The following UBE2E2 variants were observed in gnomAD, a reference collection of about 807,000 sequenced individuals.
The protein encoded by UBE2E2 is ubiquitin-conjugating enzyme E2 E2.
Under a neutral mutation model 24.7 loss-of-function variants are expected in UBE2E2, and 6 were observed. The ratio of observed to expected loss-of-function variants is 0.24; its 90% CI spans 0.13 to 0.48. The LOEUF (loss-of-function observed/expected upper bound fraction) is 0.48, where lower values mean the gene tolerates loss of function less well. UBE2E2 is among the 20% of genes least tolerant of loss of function. The probability of loss-of-function intolerance (pLI) is 0.99; values close to 1 mark genes in which losing one functional copy is unlikely to be tolerated. For missense variants in UBE2E2, 169 were observed against 245.0 expected (o/e 0.69, Z 2.07); for synonymous variants, 104 against 83.6 (o/e 1.24, Z -1.33).
chr3:23,350,051 G>A (rs1446935773), intron 3 of UBE2E2, among the ~76,000 whole-genome samples: 4 of 152,292 alleles, frequency 2.6e-5, no homozygotes, highest in African/African-American at 4.8e-5. Context: ...CCAAAGGAAC[G>A]ATCAGACAGC....
intron 3 of UBE2E2, among the ~76,000 whole-genome samples, chr3:23,379,361 A>G (rs1696604234): frequency 6.6e-6 from 1 of 150,968 alleles, no homozygotes; most frequent in Non-Finnish European, 1.5e-5. Context: ...GTCATCTAGC[A>G]TTAGGTATAT....
intron 3 of UBE2E2, among the ~76,000 whole-genome samples, chr3:23,357,065 C>G (rs1177272503): frequency 6.6e-6 from 1 of 152,180 alleles, no homozygotes; most frequent in East Asian, 1.9e-4. Context: ...AAGTCTCACA[C>G]TGGCAATTAA....
At chr3:23,446,988 AACAGTCCTT>A (rs1698449382) in intron 3 of UBE2E2, among the ~76,000 whole-genome samples, 1 of 152,060 alleles carries the variant, frequency 6.6e-6, no homozygotes, top group Non-Finnish European at 1.5e-5. Flanking sequence ...ATCCATGCAA[AACAGTCCTT>A]ACATGCTGTT....
intron 3 of UBE2E2, among the ~76,000 whole-genome samples, chr3:23,292,066 A>G (rs9755696): frequency 0.12 from 18,901 of 151,738 alleles, 2,100 homozygotes; most frequent in Admixed American, 0.25. Flanking sequence ...CACCGTGTTA[A>G]CCAGGATGGT....
chr3:23,458,688 A>T (rs1049120153), intron 3 of UBE2E2, among the ~76,000 whole-genome samples: 8 of 152,108 alleles, frequency 5.3e-5, no homozygotes, highest in Non-Finnish European at 7.4e-5. Context: ...AAGTGCTAGG[A>T]TTACAGGTGT....
intron 3 of UBE2E2, among the ~76,000 whole-genome samples, chr3:23,429,975 G>C (rs1032569783): frequency 6.6e-6 from 1 of 152,160 alleles, no homozygotes; most frequent in South Asian, 2.1e-4. Flanking sequence ...CTGCCTCCCA[G>C]GTTCAAGCAA....
intron 3 of UBE2E2, among the ~76,000 whole-genome samples, chr3:23,445,304 A>G (rs184903055): frequency 4.1e-4 from 63 of 152,304 alleles, no homozygotes; most frequent in Middle Eastern, 3.4e-3. Flanking sequence ...ACCTCCTGGT[A>G]GTTATTGTGA....
chr3:23,393,380 T>A (rs141417484), intron 3 of UBE2E2, among the ~76,000 whole-genome samples: 2,045 of 152,276 alleles, frequency 0.013, 44 homozygotes, highest in African/African-American at 0.045. Flanking sequence ...GAGAGTTTGC[T>A]GATAAGAAGT....
chr3:23,360,911 G>C (rs1462786390), intron 3 of UBE2E2, among the ~76,000 whole-genome samples: 1 of 149,868 alleles, frequency 6.7e-6, no homozygotes, highest in Non-Finnish European at 1.5e-5. Flanking sequence ...CCCACCGAGA[G>C]AAAATATTCA....
At chr3:23,230,792 G>GA (rs750142399) in intron 3 of UBE2E2, among the ~76,000 whole-genome samples, 1,691 of 68,558 alleles carry the variant, frequency 0.025, 27 homozygotes, top group African/African-American at 0.062. Context: ...TTCTCAAAAA[G>GA]AAAAAAAAAA....
intron 3 of UBE2E2, among the ~76,000 whole-genome samples, chr3:23,354,993 C>G (rs372108942): frequency 2.7e-4 from 40 of 150,838 alleles, no homozygotes; most frequent in African/African-American, 7.3e-4. Flanking sequence ...TGTCCAACAA[C>G]GATAGACTGG....
intron 2 of UBE2E2, among the ~76,000 whole-genome samples, chr3:23,214,063 A>G (rs1696401370): frequency 2.0e-5 from 3 of 152,316 alleles, no homozygotes; most frequent in Middle Eastern, 3.4e-3. Context: ...AATTCTTAGT[A>G]TAATCTTTTC....
At chr3:23,462,273 A>G (rs759232114) in intron 3 of UBE2E2, among the ~76,000 whole-genome samples, 2 of 152,156 alleles carry the variant, frequency 1.3e-5, no homozygotes, top group African/African-American at 4.8e-5. Context: ...TATCAAGAAC[A>G]CTTGTTACCA....
intron 3 of UBE2E2, among the ~76,000 whole-genome samples, chr3:23,309,338 G>A (rs1350992011): frequency 2.6e-5 from 4 of 152,220 alleles, no homozygotes; most frequent in East Asian, 1.9e-4. Flanking sequence ...AACACTGAGG[G>A]TAGTGAATAT....
chr3:23,217,552 T>G (rs1476829758), intron 3 of UBE2E2, among the ~76,000 whole-genome samples: 1 of 152,062 alleles, frequency 6.6e-6, no homozygotes, highest in Non-Finnish European at 1.5e-5. Context: ...GCAATAACAG[T>G]AAGACAATGA....
chr3:23,549,234 C>T (rs1695587551), intron 5 of UBE2E2, among the ~76,000 whole-genome samples: 1 of 152,226 alleles, frequency 6.6e-6, no homozygotes, highest in African/African-American at 2.4e-5. Context: ...AATGAAAACA[C>T]TGGAGTTGCT....
At chr3:23,358,980 A>G (rs1696040726) in intron 3 of UBE2E2, among the ~76,000 whole-genome samples, 1 of 152,138 alleles carries the variant, frequency 6.6e-6, no homozygotes, top group South Asian at 2.1e-4. Flanking sequence ...ATCCACATGT[A>G]TGTTCTTTTC....
At chr3:23,430,342 G>A (rs748312526) in intron 3 of UBE2E2, among the ~76,000 whole-genome samples, 7 of 151,904 alleles carry the variant, frequency 4.6e-5, no homozygotes, top group Non-Finnish European at 8.8e-5. Context: ...TTAAATATAG[G>A]TTACTTAACC....
chr3:23,331,714 A>G lies in UBE2E2; in HGVS notation c.227+114402A>G, dbSNP rs571848433. On this transcript the variant is annotated intron_variant, in intron 3 of 5. Coordinates refer to ENST00000396703, the MANE Select transcript of UBE2E2 (RefSeq NM_152653.4). ...CTGGAGAGGAGTGAGCCATGGAAAG[A>G]GTGGGAGGAGATGAGAGAGAGGAAG... Among the ~76,000 whole-genome samples the G allele has an allele frequency of 1.2e-4, 18 of 152,156 alleles. No individual in the cohort carries two copies. The East Asian group carries it at 3.5e-3, about 29-fold the overall frequency.
Sources: allele counts gnomAD v4.1 joint callset (sites outside exome capture counted in the v4.1 genomes callset), GRCh38; gene constraint gnomAD v4.1.1; transcripts MANE v1.5; gene names NCBI Gene and HGNC (gene_info 2026-07-23, HGNC 2026-07-21).